The following GPC3 variants were observed in gnomAD, a reference collection of about 807,000 sequenced individuals.
GPC3 encodes the protein glypican 3.
GPC3 carries 3 observed loss-of-function variants against 34.4 expected under a neutral mutation model. The ratio of observed to expected loss-of-function variants is 0.09; its 90% CI spans 0.04 to 0.23. The LOEUF (loss-of-function observed/expected upper bound fraction) is 0.23, where lower values mean the gene tolerates loss of function less well. GPC3 is among the 10% of genes least tolerant of loss of function. The pLI is 1.00. For synonymous variants in GPC3, 177 were observed against 174.0 expected, an observed-to-expected ratio of 1.02 and a Z score of -0.13; for missense variants, 351 against 445.6, an observed-to-expected ratio of 0.79 and a Z score of 1.91.
At chrX:133,540,953 T>TGCGC (rs1272027139) in intron 7 of GPC3, among the ~76,000 whole-genome samples, 17 of 101,209 alleles carry the variant, frequency 1.7e-4, no homozygotes, top group African/African-American at 6.3e-4. Flanking sequence ...TGTGTGTGTG[T>TGCGC]GTGCGCGCAC....
At chrX:133,541,486 C>T (rs146443675) in intron 7 of GPC3, among the ~76,000 whole-genome samples, 2 of 111,616 alleles carry the variant, frequency 1.8e-5, no homozygotes, top group South Asian at 7.5e-4. Context: ...ACCTTTTGGG[C>T]CAGCAAGGAG....
chrX:133,668,374 C>T (rs925732647), intron 5 of GPC3, among the ~76,000 whole-genome samples: 2 of 111,652 alleles, frequency 1.8e-5, no homozygotes, highest in Non-Finnish European at 3.8e-5. Flanking sequence ...TGCCTGAAGT[C>T]CTCACCTGAT....
intron 2 of GPC3, among the ~76,000 whole-genome samples, chrX:133,944,394 A>G (rs140192504): frequency 6.3e-4 from 71 of 112,370 alleles, no homozygotes; most frequent in East Asian, 5.9e-3. Context: ...GAGGAGTGTC[A>G]TAAGCATTCC....
intron 7 of GPC3, among the ~76,000 whole-genome samples, chrX:133,571,471 T>A (rs926166811): frequency 1.8e-5 from 2 of 111,520 alleles, no homozygotes; most frequent in Non-Finnish European, 3.8e-5. Context: ...CACGCCATTC[T>A]CCTGCCTCAG....
chrX:133,736,932 G>A (rs773249735), intron 3 of GPC3, among the ~76,000 whole-genome samples: 1 of 112,037 alleles, frequency 8.9e-6, no homozygotes, highest in Non-Finnish European at 1.9e-5. Context: ...AAGAAGTAAT[G>A]AGGTATAATT....
chrX:133,539,388 T>C (rs1191192366), intron 7 of GPC3, among the ~76,000 whole-genome samples: 1 of 112,067 alleles, frequency 8.9e-6, no homozygotes, highest in African/African-American at 3.2e-5. Context: ...ACAAACTCCA[T>C]TAGTGAAATA....
intron 2 of GPC3, among the ~76,000 whole-genome samples, chrX:133,788,086 TTTTATATATATA>T (rs1228791270): frequency 1.0e-4 from 4 of 40,053 alleles, no homozygotes; most frequent in Non-Finnish European, 1.7e-4. Context: ...TATCATATTA[TTTTATATATATA>T]TATATATATA....
rs866628111 is a variant in GPC3, at chrX:133,628,741, C to T, written c.1414-32142G>A. 3.0e-3 allele frequency among the ~76,000 whole-genome samples: 328 copies of T among 110,970 alleles called. 2 individuals are homozygous for T. The highest frequency in any genetic ancestry group is 0.01 in the African/African-American group (310 of 30,542). On this transcript the variant is annotated intron_variant, in intron 6 of 7. Coordinates refer to ENST00000370818, the MANE Select transcript of GPC3 (RefSeq NM_004484.4). ...AGTGATTATAAACATTACTAAAGAG[C>T]CCTCTTTTTAAAAAATTTTACGCAA...
chrX:133,984,159 C>A (rs2076554757), intron 1 of GPC3, among the ~76,000 whole-genome samples: 1 of 113,592 alleles, frequency 8.8e-6, no homozygotes, highest in Non-Finnish European at 1.9e-5. Flanking sequence ...GGCTGCTCCC[C>A]GATCCCTCGG....
chrX:133,875,430 A>G (rs2124578778), intron 2 of GPC3, among the ~76,000 whole-genome samples: 1 of 111,748 alleles, frequency 8.9e-6, no homozygotes, highest in Admixed American at 9.5e-5. Flanking sequence ...AATGGAAATG[A>G]GAGTATTGTA....
chrX:133,919,025 C>T (rs2076236401), intron 2 of GPC3, among the ~76,000 whole-genome samples: 1 of 111,776 alleles, frequency 8.9e-6, no homozygotes, highest in African/African-American at 3.3e-5. Context: ...TACTCTCCTC[C>T]AGAAGCACAG....
chrX:133,557,771 C>A (rs1221327111), intron 7 of GPC3, among the ~76,000 whole-genome samples: 1 of 111,324 alleles, frequency 9.0e-6, no homozygotes, highest in East Asian at 2.8e-4. Flanking sequence ...ACCTGAGACC[C>A]ACTTGACCGA....
chrX:133,916,858 G>A (rs2076227384), intron 2 of GPC3, among the ~76,000 whole-genome samples: 1 of 111,063 alleles, frequency 9.0e-6, no homozygotes, highest in East Asian at 2.8e-4. Flanking sequence ...CAACCTGGGT[G>A]ACAAAGTGAG....
chrX:133,631,501 T>C (rs2070365752), intron 6 of GPC3, among the ~76,000 whole-genome samples: 1 of 112,001 alleles, frequency 8.9e-6, no homozygotes, highest in Admixed American at 9.6e-5. Context: ...CATTCATCTG[T>C]TGATAAACAC....
At chrX:133,564,289 T>G (rs1464366174) in intron 7 of GPC3, among the ~76,000 whole-genome samples, 1 of 111,868 alleles carries the variant, frequency 8.9e-6, no homozygotes, top group East Asian at 2.8e-4. Flanking sequence ...AGAGATTTGT[T>G]GACTTCATGC....
intron 2 of GPC3, among the ~76,000 whole-genome samples, chrX:133,812,006 T>C (rs921676983): frequency 8.9e-6 from 1 of 112,055 alleles, no homozygotes; most frequent in African/African-American, 3.2e-5. Flanking sequence ...TGGTGCAAAA[T>C]TGATATCCTC....
intron 6 of GPC3, among the ~76,000 whole-genome samples, chrX:133,644,478 G>C (rs1010669951): frequency 9.0e-6 from 1 of 111,638 alleles, no homozygotes; most frequent in Non-Finnish European, 1.9e-5. Flanking sequence ...GGTGAAAAAT[G>C]TGATAATGTA....
At chrX:133,808,814 C>T (rs10429739) in intron 2 of GPC3, among the ~76,000 whole-genome samples, 5,039 of 110,714 alleles carry the variant, frequency 0.046, 299 homozygotes, top group African/African-American at 0.16. Context: ...CCACCACCTA[C>T]AGTTTCTTGT....
chrX:133,985,418 A>G lies in GPC3; in HGVS notation c.32T>C (p.Val11Ala), dbSNP rs2076563976. The change falls in exon 1 of 8, where the codon GTG (valine) becomes GCG (alanine). Residue 11 changes from valine to alanine, a missense_variant. Val to Ala is a moderately conservative substitution (Grantham distance 64, BLOSUM62 0). Coordinates refer to ENST00000370818, the MANE Select transcript of GPC3 (RefSeq NM_004484.4). Reference sequence around the variant, plus strand: ...GTCCAAGCTGAGCAGCATCGCCACCACCAAGCACGCGGTGCGCACGGTCCC... The same window carrying G: ...GTCCAAGCTGAGCAGCATCGCCACCGCCAAGCACGCGGTGCGCACGGTCCC... MAGTVRTACL[V>A]VAMLLSLDFP... 1 of 1,179,787 alleles carries G rather than the reference A, an allele frequency of 8.5e-7. No homozygotes were observed. Among genetic ancestry groups the G allele is most frequent in the African/African-American group, 1.8e-5 (1 of 56,664 alleles).
Sources: gnomAD v4.1 joint callset for allele counts (sites outside exome capture counted in the v4.1 genomes callset) on GRCh38, gnomAD v4.1.1 for gene constraint, MANE v1.5 for transcripts, NCBI Gene and HGNC (gene_info 2026-07-23, HGNC 2026-07-21) for gene names.